Variants in ZFYVE1 observed in about 807,000 individuals in gnomAD.
The protein encoded by ZFYVE1 is zinc finger FYVE domain-containing protein 1.
In ZFYVE1, 30 loss-of-function variants were observed where a neutral mutation model predicts 74.4. That is an observed-to-expected ratio of 0.40 (90% CI 0.30 to 0.55). The LOEUF (loss-of-function observed/expected upper bound fraction) is 0.55. Ranked by LOEUF, ZFYVE1 falls within the 20% of genes least tolerant of loss-of-function variation. The probability of loss-of-function intolerance (pLI) is 0.42; values close to 1 mark genes in which losing one functional copy is unlikely to be tolerated. For synonymous variants in ZFYVE1, 335 were observed against 385.1 expected, an observed-to-expected ratio of 0.87 and a Z score of 1.52; for missense variants, 703 against 1,011.6, an observed-to-expected ratio of 0.69 and a Z score of 4.14.
rs1324391955 is a variant in ZFYVE1 at position 72,992,630 on chromosome 14, T to TCCAC, written c.1203+512_1203+513insGTGG. Among the ~76,000 whole-genome samples, 81 of 55,292 alleles carry TCCAC rather than the reference T, an allele frequency of 1.5e-3. 3 individuals are homozygous for TCCAC. Among genetic ancestry groups the TCCAC allele is most frequent in the African/African-American group, 5.3e-3 (75 of 14,070 alleles). The allele number at this position is 55,292 out of a possible 152,430, so 36.3% of individuals were successfully genotyped here. Reference sequence around the variant, plus strand: ...CCATTCAGGTGCCCCCCCCGCCCCTTGCAAGAGAGAGAGAGCTGTTCTTTC... The same window carrying TCCAC: ...CCATTCAGGTGCCCCCCCCGCCCCTTCCACGCAAGAGAGAGAGAGCTGTTCTTTC... On this transcript the variant is annotated intron_variant, in intron 4 of 11. Transcript: ENST00000556143.
intron 7 of ZFYVE1, 29 bp from the exon 8 acceptor site, chr14:72,978,073 C>T: frequency 1.2e-6 from 2 of 1,613,920 alleles, no homozygotes; most frequent in South Asian, 1.1e-5. Flanking sequence ...AATACTGTTA[C>T]CCAGCCAGGT....
chr14:72,987,071 G>C, intron 4 of ZFYVE1: 1 of 566,648 alleles, frequency 1.8e-6, no homozygotes, highest in Non-Finnish European at 2.2e-6. Flanking sequence ...CAACAGTGTG[G>C]CTCTTTCTAT....
chr14:72,995,681 CCTTAT>C (rs897571720), intron 3 of ZFYVE1, among the ~76,000 whole-genome samples: 76 of 152,356 alleles, frequency 5.0e-4, no homozygotes, highest in African/African-American at 1.8e-3. Flanking sequence ...CACCTCCTCT[CCTTAT>C]CTTCGAGGCA....
At chr14:72,996,766 C>T (rs911537969) in intron 3 of ZFYVE1, among the ~76,000 whole-genome samples, 2 of 152,166 alleles carry the variant, frequency 1.3e-5, no homozygotes, top group Admixed American at 6.5e-5. Flanking sequence ...CACAGAACAC[C>T]GTGCGGTCGC....
Position 72,969,840 on chromosome 14 carries a change from T to C in ZFYVE1, c.*1042A>G. The C allele has an allele frequency of 3.0e-6, 2 of 665,404 alleles. No homozygotes were observed. Among genetic ancestry groups the C allele is most frequent in the Non-Finnish European group, 5.4e-6 (2 of 371,688 alleles). The allele number at this position is 665,404 out of a possible 1,614,324, so 41.2% of individuals were successfully genotyped here. A position where few individuals can be genotyped will look rare whatever the true frequency, so the allele number is the denominator to read the frequency against. On this transcript the variant is annotated 3_prime_UTR_variant, in exon 12 of 12. Transcript: ENST00000556143. ...TTTTTCTTTACGATCTGTTGAAATA[T>C]TTATATAGACTTTTAAAAACAACTA... is the stretch of plus-strand genomic sequence containing the variant.
chr14:72,994,738 C>T (rs1348833194), intron 3 of ZFYVE1, among the ~76,000 whole-genome samples: 1 of 152,180 alleles, frequency 6.6e-6, no homozygotes, highest in Non-Finnish European at 1.5e-5. Context: ...GACTTAGCAA[C>T]ATATATATGC....
At chr14:73,010,994 C>T (rs1397331551) in intron 2 of ZFYVE1, among the ~76,000 whole-genome samples, 7 of 151,580 alleles carry the variant, frequency 4.6e-5, no homozygotes, top group South Asian at 2.1e-4. Flanking sequence ...ATTCATTTTA[C>T]AAAGGAACAA....
At chr14:72,998,594 G>A (rs552493160) in intron 2 of ZFYVE1, among the ~76,000 whole-genome samples, 30 of 152,200 alleles carry the variant, frequency 2.0e-4, no homozygotes, top group Non-Finnish European at 3.4e-4. Flanking sequence ...AGCTAAAACC[G>A]TAAAACTCTT....
chr14:73,011,612 C>T (rs145521793), intron 2 of ZFYVE1, among the ~76,000 whole-genome samples: 10,761 of 151,486 alleles, frequency 0.071, 528 homozygotes, highest in East Asian at 0.19. Context: ...TTCCACCTCC[C>T]AGGTTCAAGC....
intron 8 of ZFYVE1, among the ~76,000 whole-genome samples, chr14:72,977,512 A>T (rs1246416732): frequency 6.6e-6 from 1 of 152,204 alleles, no homozygotes. Context: ...TTACACGAAG[A>T]TGGTGACTAG....
intron 4 of ZFYVE1, among the ~76,000 whole-genome samples, chr14:72,986,336 G>A (rs1281981928): frequency 6.6e-6 from 1 of 152,130 alleles, no homozygotes; most frequent in African/African-American, 2.4e-5. Context: ...TCAGATGCTG[G>A]CCACTGACAC....
At chr14:72,992,624 GCCCCTT>G (rs1163124050) in intron 4 of ZFYVE1, among the ~76,000 whole-genome samples, 1 of 71,820 alleles carries the variant, frequency 1.4e-5, no homozygotes, top group Non-Finnish European at 3.0e-5. Flanking sequence ...TGCCCCCCCC[GCCCCTT>G]GCAAGAGAGA....
Position 72,981,903 on chromosome 14 carries a change from G to A in ZFYVE1, c.1204-8C>T, listed in dbSNP as rs1893341544. On this transcript the variant is annotated splice_region_variant and splice_polypyrimidine_tract_variant and intron_variant, in intron 4 of 11. Coordinates refer to ENST00000556143, the MANE Select transcript of ZFYVE1 (RefSeq NM_021260.4). ...GAAGCGGTCACTTAGTGCCTGCCAA[G>A]GAGGGAAGGTGACATATGATGGCAC... 1.2e-6 allele frequency: 2 copies of A among 1,613,510 alleles called. No individual in the cohort carries two copies. Among genetic ancestry groups the A allele is most frequent in the African/African-American group, 1.3e-5 (1 of 74,922 alleles).
At chr14:72,998,525 AGAGC>A (rs1893801592) in intron 2 of ZFYVE1, among the ~76,000 whole-genome samples, 1 of 152,016 alleles carries the variant, frequency 6.6e-6, no homozygotes, top group Admixed American at 6.6e-5. Flanking sequence ...AGTGGCCAAA[AGAGC>A]TAAAACTATA....
intron 4 of ZFYVE1, 57 bp from the exon 5 acceptor site, chr14:72,981,952 G>GC (rs1195770321): frequency 6.7e-7 from 1 of 1,488,360 alleles, no homozygotes; most frequent in Non-Finnish European, 9.3e-7. Context: ...CCGCACTTTG[G>GC]CCCCCCACTG....
Position 72,992,615 on chromosome 14 carries a change from G to GCC in ZFYVE1, c.1203+526_1203+527dup, listed in dbSNP as rs555003383. 1.4e-3 allele frequency among the ~76,000 whole-genome samples: 155 copies of GCC among 109,032 alleles called. 20 individuals are homozygous for GCC. The highest frequency in any genetic ancestry group is 3.7e-3 in the African/African-American group (86 of 23,200). The allele number at this position is 109,032 out of a possible 152,430, so 71.5% of individuals were successfully genotyped here. On this transcript the variant is annotated intron_variant, in intron 4 of 11. Coordinates refer to ENST00000556143, the MANE Select transcript of ZFYVE1 (RefSeq NM_021260.4). ...CTCTGGGGGGAGGTCCCATTCAGGT[G>GCC]CCCCCCCCGCCCCTTGCAAGAGAGA...
intron 4 of ZFYVE1, among the ~76,000 whole-genome samples, chr14:72,992,624 GCC>G (rs1491038035): frequency 2.8e-5 from 2 of 71,820 alleles, no homozygotes; most frequent in African/African-American, 1.2e-4. Flanking sequence ...TGCCCCCCCC[GCC>G]CCTTGCAAGA....
At chr14:73,003,376 AACAGAGAAATAT>A (rs992311544) in intron 2 of ZFYVE1, among the ~76,000 whole-genome samples, 6 of 152,280 alleles carry the variant, frequency 3.9e-5, no homozygotes, top group African/African-American at 1.4e-4. Context: ...CTGGTTTGAT[AACAGAGAAATAT>A]ACAGACCACT....
chr14:73,026,444 C>T (rs1201045967), intron 1 of ZFYVE1, among the ~76,000 whole-genome samples: 1 of 152,146 alleles, frequency 6.6e-6, no homozygotes, highest in Non-Finnish European at 1.5e-5. Context: ...TTCAGATAAA[C>T]AAGGAAGGCG....
Sources: allele counts gnomAD v4.1 joint callset (sites outside exome capture counted in the v4.1 genomes callset), GRCh38; gene constraint gnomAD v4.1.1; transcripts MANE v1.5; gene names NCBI Gene and HGNC (gene_info 2026-07-23, HGNC 2026-07-21).